The following MROH9 variants were observed in gnomAD, a reference collection of about 807,000 sequenced individuals.
The protein encoded by MROH9 is maestro heat-like repeat-containing protein family member 9.
A neutral mutation model predicts 98.2 loss-of-function variants in MROH9; 92 were observed. That is an observed-to-expected ratio of 0.94 (90% CI 0.79 to 1.11). MROH9 has a LOEUF of 1.11. Ranked by LOEUF, MROH9 falls within the 50% of genes most tolerant of loss-of-function variation. The probability of loss-of-function intolerance (pLI) is 0.00; values close to 1 mark genes in which losing one functional copy is unlikely to be tolerated. For synonymous variants in MROH9, 397 were observed against 368.9 expected (o/e 1.08, Z -0.87); for missense variants, 1,057 against 1,014.8 (o/e 1.04, Z -0.57).
At position 170,998,401 on chromosome 1, in the gene MROH9, A is replaced by G. The variant is rs927742075; in HGVS notation, c.1596+127A>G. The G allele has an allele frequency of 6.2e-6, 10 of 1,606,984 alleles. No individual in the cohort carries two copies. The African/African-American group carries it at 1.2e-4, about 19-fold the overall frequency. On this transcript the variant is annotated intron_variant, in intron 15 of 21. Coordinates refer to ENST00000367759, the MANE Select transcript of MROH9 (RefSeq NM_001163629.2). ...TTCTTACCAAGACTTAAGATCATGA[A>G]AGATATCTGAAGTCGGATGGGGAGA... is the stretch of plus-strand genomic sequence containing the variant.
chr1:170,961,985 G>A lies in MROH9; in HGVS notation c.375+9G>A. 1.4e-6 allele frequency: 2 copies of A among 1,433,910 alleles called. No homozygotes were observed. The highest frequency in any genetic ancestry group is 1.9e-6 in the Non-Finnish European group (2 of 1,052,638). The allele number at this position is 1,433,910 out of a possible 1,614,324, so 88.8% of individuals were successfully genotyped here. A position where few individuals can be genotyped will look rare whatever the true frequency, so the allele number is the denominator to read the frequency against. ...AACTACAGATCTTAAAGGTAAAGAG[G>A]AAATAAGTAGTTTAATTTTCTTGTC... On this transcript the variant is annotated intron_variant, in intron 6 of 21. Transcript: ENST00000367759.
At position 170,941,907 on chromosome 1, in the gene MROH9, A is replaced by C. The variant is rs1226794987; in HGVS notation, c.-37-3613A>C. ...GAATCCCTTTTCTACATTAAGCTATACAGGTCTGGCATTCCTAACTTTCTC... is the reference window on the plus strand; with the variant it reads ...GAATCCCTTTTCTACATTAAGCTATCCAGGTCTGGCATTCCTAACTTTCTC... On this transcript the variant is annotated intron_variant, in intron 1 of 21. Coordinates refer to ENST00000367759, the MANE Select transcript of MROH9 (RefSeq NM_001163629.2). Among the ~76,000 whole-genome samples the C allele has an allele frequency of 2.0e-5, 3 of 152,180 alleles. No individual in the cohort carries two copies. In the East Asian group the frequency reaches 5.8e-4, roughly 29 times the overall value.
rs1422640283 is a variant in MROH9 at position 171,025,310 on chromosome 1, A to T, written c.2179-8A>T. ...GAGTGAGGTGCTTTTTTCCCTTTTT[A>T]TTCTCAGATTATTTCTCATAGGAAC... On this transcript the variant is annotated splice_polypyrimidine_tract_variant and splice_region_variant and intron_variant, in intron 19 of 21. Transcript: ENST00000367759. 1 of 1,514,790 alleles carries T rather than the reference A, an allele frequency of 6.6e-7. No individual in the cohort carries two copies. Among genetic ancestry groups the T allele is most frequent in the Admixed American group, 2.0e-5 (1 of 50,484 alleles). 93.8% of individuals were successfully genotyped at this position (1,514,790 alleles called of 1,614,324 possible).
chr1:170,968,632 C>T (rs1650323026), intron 7 of MROH9, among the ~76,000 whole-genome samples: 2 of 152,094 alleles, frequency 1.3e-5, no homozygotes, highest in Admixed American at 6.6e-5. Context: ...CCTATAATCC[C>T]AGTGCTTTGA....
In MROH9 at chr1:170,995,746, A is replaced by G. The variant is rs886365112; in HGVS notation, c.1337+215A>G. On this transcript the variant is annotated intron_variant, in intron 13 of 21. Transcript: ENST00000367759. ...TTCACCTTCCCTGAGCATGTGTAGT[A>G]TATAAAGAGCCGTGACCACAGAACT... 1.6e-4 allele frequency among the ~76,000 whole-genome samples: 24 copies of G among 152,144 alleles called. 1 individual carries two copies. Among genetic ancestry groups the G allele is most frequent in the Admixed American group, 1.6e-3 (24 of 15,268 alleles).
At chr1:171,033,070 G>C (rs1268778153) in intron 20 of MROH9, among the ~76,000 whole-genome samples, 1 of 152,256 alleles carries the variant, frequency 6.6e-6, no homozygotes, top group East Asian at 1.9e-4. Flanking sequence ...GCCACAGCCA[G>C]TGTGTTGGGC....
At chr1:170,955,826 C>T (rs529032468) in intron 3 of MROH9, among the ~76,000 whole-genome samples, 31 of 152,286 alleles carry the variant, frequency 2.0e-4, no homozygotes, top group Middle Eastern at 3.4e-3. Flanking sequence ...TTAATTAAGT[C>T]CCAGCTATTT....
At chr1:171,009,045 T>G (rs1393483322) in intron 15 of MROH9, among the ~76,000 whole-genome samples, 1 of 150,024 alleles carries the variant, frequency 6.7e-6, no homozygotes, top group Non-Finnish European at 1.5e-5. Context: ...TTTTAAAATA[T>G]AAGGATTTTT....
intron 8 of MROH9, among the ~76,000 whole-genome samples, chr1:170,978,601 G>A (rs1182442705): frequency 1.3e-5 from 2 of 152,156 alleles, no homozygotes; most frequent in Admixed American, 6.5e-5. Flanking sequence ...TAGCCCAAGG[G>A]CTGCTAAGGG....
chr1:170,950,667 A>G (rs1649516176), intron 3 of MROH9, among the ~76,000 whole-genome samples: 2 of 152,146 alleles, frequency 1.3e-5, no homozygotes, highest in African/African-American at 4.8e-5. Flanking sequence ...TGTACTGCAC[A>G]TGCATGTGTA....
At chr1:170,955,102 A>T (rs1649708742) in intron 3 of MROH9, among the ~76,000 whole-genome samples, 1 of 152,150 alleles carries the variant, frequency 6.6e-6, no homozygotes, top group African/African-American at 2.4e-5. Context: ...TTAGAATAGT[A>T]GTCTCCAGTC....
At chr1:170,950,281 T>C (rs1649498622) in intron 3 of MROH9, among the ~76,000 whole-genome samples, 1 of 151,996 alleles carries the variant, frequency 6.6e-6, no homozygotes, top group South Asian at 2.1e-4. Flanking sequence ...TAAACAGGAT[T>C]TAGTACTAAC....
chr1:171,002,012 A>T (rs1014348409), intron 15 of MROH9, among the ~76,000 whole-genome samples: 5 of 152,294 alleles, frequency 3.3e-5, no homozygotes, highest in Non-Finnish European at 5.9e-5. Flanking sequence ...TGTCTCTTTT[A>T]ACCACTGTTG....
At chr1:171,003,555 G>T (rs1001136387) in intron 15 of MROH9, among the ~76,000 whole-genome samples, 1 of 152,192 alleles carries the variant, frequency 6.6e-6, no homozygotes, top group African/African-American at 2.4e-5. Context: ...CCTCTGGGCT[G>T]GTACTGGGGG....
chr1:171,058,471 A>G (rs1408273968), intron 20 of MROH9, among the ~76,000 whole-genome samples: 6 of 152,018 alleles, frequency 3.9e-5, no homozygotes, highest in African/African-American at 1.5e-4. Flanking sequence ...TACTATTGAC[A>G]TTCTTCATAA....
chr1:171,019,339 A>G (rs952456316), intron 17 of MROH9, among the ~76,000 whole-genome samples: 4 of 152,190 alleles, frequency 2.6e-5, no homozygotes, highest in African/African-American at 9.7e-5. Context: ...AATTTATGGC[A>G]CTAAATGCCC....
chr1:171,000,133 T>G (rs1216035588), intron 15 of MROH9, among the ~76,000 whole-genome samples: 1 of 152,204 alleles, frequency 6.6e-6, no homozygotes, highest in African/African-American at 2.4e-5. Context: ...CTCTGTGGGT[T>G]GTCTGTTTAC....
intron 8 of MROH9, among the ~76,000 whole-genome samples, chr1:170,983,044 T>G (rs1180579746): frequency 5.3e-5 from 8 of 152,228 alleles, no homozygotes; most frequent in African/African-American, 1.9e-4. Context: ...CACTTCTGGA[T>G]TCCCTGGTCT....
At chr1:171,016,036 A>C (rs1178167168) in intron 16 of MROH9, 127 bp from the exon 17 acceptor site, 1 of 497,108 alleles carries the variant, frequency 2.0e-6, no homozygotes, top group Non-Finnish European at 3.3e-6. Context: ...AAAATTTGAC[A>C]AGAGATTTTC....
Sources: allele counts gnomAD v4.1 joint callset (sites outside exome capture counted in the v4.1 genomes callset), GRCh38; gene constraint gnomAD v4.1.1; transcripts MANE v1.5; gene names NCBI Gene and HGNC (gene_info 2026-07-23, HGNC 2026-07-21).